SERINC1: variants seen among roughly 807,000 people sequenced by gnomAD.
SERINC1 encodes the protein tumor differentially expressed protein 2.
A neutral mutation model predicts 52.9 loss-of-function variants in SERINC1; 38 were observed. That is an observed-to-expected ratio of 0.72 (90% CI 0.55 to 0.94). The LOEUF (loss-of-function observed/expected upper bound fraction) is 0.94. Among genes scored for constraint, SERINC1 ranks in the 40% least tolerant of loss-of-function variants. The pLI, the probability that SERINC1 is intolerant of heterozygous loss-of-function variation, is 0.00. For missense variants in SERINC1, 471 were observed against 533.9 expected (o/e 0.88, Z 1.16); for synonymous variants, 198 against 183.1 (o/e 1.08, Z -0.66).
chr6:122,464,266 C>T (rs1775151139), intron 1 of SERINC1, among the ~76,000 whole-genome samples: 1 of 151,824 alleles, frequency 6.6e-6, no homozygotes, highest in South Asian at 2.1e-4. Flanking sequence ...TAAATTATAC[C>T]TTAACTAAAA....
rs763806916 is a variant in SERINC1 at position 122,471,763 on chromosome 6, A to G, written c.-26T>C. On this transcript the variant is annotated 5_prime_UTR_variant, in exon 1 of 10. Coordinates refer to ENST00000339697, the MANE Select transcript of SERINC1 (RefSeq NM_020755.4). ...CTCCACAACGTCACAAGAGCAGCGG[A>G]TACAGACAAGATGGAGACAGCTTCT... The G allele has an allele frequency of 6.2e-7, 1 of 1,613,976 alleles. No homozygotes were observed. The highest frequency in any genetic ancestry group is 8.5e-7 in the Non-Finnish European group (1 of 1,179,924).
intron 1 of SERINC1, among the ~76,000 whole-genome samples, chr6:122,465,533 C>T (rs1397346967): frequency 1.3e-5 from 2 of 152,160 alleles, no homozygotes; most frequent in East Asian, 1.9e-4. Flanking sequence ...GGTATATTCC[C>T]CAGGTTGGAG....
chr6:122,458,136 G>T (rs1775034113), intron 2 of SERINC1, among the ~76,000 whole-genome samples: 1 of 151,940 alleles, frequency 6.6e-6, no homozygotes. Flanking sequence ...TTTATTAATT[G>T]TAAGATTAAT....
At chr6:122,469,501 C>A (rs138009183) in intron 1 of SERINC1, among the ~76,000 whole-genome samples, 1,562 of 151,374 alleles carry the variant, frequency 0.01, 15 homozygotes, top group Non-Finnish European at 0.016. Flanking sequence ...CTCAGCCACC[C>A]GAGTGGGATT....
At position 122,471,730 on chromosome 6, in the gene SERINC1, C is replaced by A; in HGVS notation, c.8G>T (p.Ser3Ile). The change falls in exon 1 of 10, where the codon AGC becomes ATC. Residue 3 changes from serine to isoleucine, a missense_variant. Coordinates refer to ENST00000339697, the MANE Select transcript of SERINC1 (RefSeq NM_020755.4). The part of the protein sequence containing the change: MG[S>I]VLGLCSMASW... ...CGCCATGGAGCACAGCCCCAGGACG[C>A]TCCCCATCTCCACAACGTCACAAGA... is the stretch of plus-strand genomic sequence containing the variant. 6.2e-7 allele frequency: 1 copy of A among 1,614,170 alleles called. No homozygotes were observed. The highest frequency in any genetic ancestry group is 8.5e-7 in the Non-Finnish European group (1 of 1,179,994).
chr6:122,471,227 C>A (rs561889768), intron 1 of SERINC1, among the ~76,000 whole-genome samples: 1 of 152,076 alleles, frequency 6.6e-6, no homozygotes, highest in African/African-American at 2.4e-5. Context: ...ATAATCTGCG[C>A]CACTGAACAA....
At chr6:122,463,187 A>G (rs1775135458) in intron 1 of SERINC1, among the ~76,000 whole-genome samples, 1 of 152,230 alleles carries the variant, frequency 6.6e-6, no homozygotes, top group South Asian at 2.1e-4. Context: ...AAGATACCAA[A>G]GCAATTCACT....
chr6:122,452,723 G>A (rs964886771), intron 5 of SERINC1, among the ~76,000 whole-genome samples: 5 of 152,150 alleles, frequency 3.3e-5, no homozygotes, highest in African/African-American at 4.8e-5. Flanking sequence ...TCCAGGCCCT[G>A]GGGATACAGC....
In SERINC1 at chr6:122,451,682, C is replaced by G; in HGVS notation, c.832G>C (p.Ala278Pro). 8.0e-7 allele frequency: 1 copy of G among 1,251,830 alleles called. No individual in the cohort carries two copies. The highest frequency in any genetic ancestry group is 1.1e-6 in the Non-Finnish European group (1 of 919,606). The allele number at this position is 1,251,830 out of a possible 1,614,324, so 77.5% of individuals were successfully genotyped here. A position where few individuals can be genotyped will look rare whatever the true frequency, so the allele number is the denominator to read the frequency against. ...AACACACCTGGTTCATTGGTCATAGCTGACCATGTCAAATACATTGTGTAG... is the reference window on the plus strand; with the variant it reads ...AACACACCTGGTTCATTGGTCATAGGTGACCATGTCAAATACATTGTGTAG... ...TVYTMYLTWS[A>P]MTNEPETNCN... Residue 278 changes from alanine (A) to proline (P), a missense_variant, in exon 7 of 10, where the codon GCT (alanine) becomes CCT (proline). Ala to Pro is a conservative substitution (Grantham distance 27). Coordinates refer to ENST00000339697, the MANE Select transcript of SERINC1 (RefSeq NM_020755.4).
Position 122,445,883 on chromosome 6 carries a change from C to CA in SERINC1, c.1227-705dup, listed in dbSNP as rs71018202. ...TGGGTGACAGAGCAAGACTCCATTT[C>CA]AAAAAAAAAAAAAAAAAGAACCAGC... On this transcript the variant is annotated intron_variant, in intron 9 of 9. Transcript: ENST00000339697. Among the ~76,000 whole-genome samples the CA allele has an allele frequency of 4.6e-3, 289 of 62,806 alleles. 15 individuals are homozygous for CA. Among genetic ancestry groups the CA allele is most frequent in the African/African-American group, 0.014 (208 of 15,206 alleles). 41.2% of individuals were successfully genotyped at this position (62,806 alleles called of 152,430 possible). A position where few individuals can be genotyped will look rare whatever the true frequency, so the allele number is the denominator to read the frequency against.
At position 122,452,501 on chromosome 6, in the gene SERINC1, G is replaced by T. The variant is rs1402981058; in HGVS notation, c.590-444C>A. Reference sequence around the variant, plus strand: ...AATGTTAAGCCCTCACAACAATGATGCTTTTCCTCATGAACTAAAATCTTA... The same window carrying T: ...AATGTTAAGCCCTCACAACAATGATTCTTTTCCTCATGAACTAAAATCTTA... On this transcript the variant is annotated intron_variant, in intron 5 of 9. Coordinates refer to ENST00000339697, the MANE Select transcript of SERINC1 (RefSeq NM_020755.4). 2.0e-5 allele frequency among the ~76,000 whole-genome samples: 3 copies of T among 152,164 alleles called. No individual in the cohort carries two copies. In the East Asian group the frequency reaches 5.8e-4, roughly 29 times the overall value.
chr6:122,449,288 AC>A (rs1188727105), intron 7 of SERINC1, among the ~76,000 whole-genome samples: 1 of 152,252 alleles, frequency 6.6e-6, no homozygotes, highest in African/African-American at 2.4e-5. Flanking sequence ...AAAAGCTGAG[AC>A]AGGTCAAAAG....
chr6:122,451,954 C>A lies in SERINC1; in HGVS notation c.693G>T (p.Ala231=), dbSNP rs370876941. Residue 231 remains alanine (A), a synonymous_variant, in exon 6 of 10, where the codon GCG becomes GCT. Coordinates refer to ENST00000339697, the MANE Select transcript of SERINC1 (RefSeq NM_020755.4). ...THPASCSENK[A]FISVNMLLCV... Reference sequence around the variant, plus strand: ...AGAGGAGCATGTTGACACTGATGAACGCCTTGTTTTCTGAACAACTGGCTG... The same window carrying A: ...AGAGGAGCATGTTGACACTGATGAAAGCCTTGTTTTCTGAACAACTGGCTG... 120 of 1,598,248 alleles carry A rather than the reference C, an allele frequency of 7.5e-5. No homozygotes were observed. Among genetic ancestry groups the A allele is most frequent in the Non-Finnish European group, 1.0e-4 (118 of 1,173,036 alleles).
rs186430944 is a variant in SERINC1 at position 122,449,553 on chromosome 6, A to G, written c.850+2111T>C. 1.3e-3 allele frequency among the ~76,000 whole-genome samples: 203 copies of G among 152,282 alleles called. 2 individuals are homozygous for G. The highest frequency in any genetic ancestry group is 2.4e-3 in the Non-Finnish European group (166 of 68,010). On this transcript the variant is annotated intron_variant, in intron 7 of 9. Transcript: ENST00000339697. The stretch of plus-strand genomic sequence containing the variant: ...TCTCACTTCAAGTCTATTAAGATTG[A>G]GAGAGAGAAGGAAGCTGTAGAAGAA...
intron 1 of SERINC1, among the ~76,000 whole-genome samples, chr6:122,461,490 A>G (rs900931657): frequency 1.1e-4 from 14 of 123,466 alleles, no homozygotes; most frequent in African/African-American, 4.0e-4. Context: ...GGGGAATATC[A>G]TACTCTGGGG....
At chr6:122,448,952 T>C (rs1359508683) in intron 7 of SERINC1, among the ~76,000 whole-genome samples, 1 of 152,212 alleles carries the variant, frequency 6.6e-6, no homozygotes, top group Non-Finnish European at 1.5e-5. Flanking sequence ...TTTCACAATT[T>C]GTCATTATTA....
At chr6:122,471,289 GA>G (rs1483623157) in intron 1 of SERINC1, among the ~76,000 whole-genome samples, 1 of 151,986 alleles carries the variant, frequency 6.6e-6, no homozygotes, top group Non-Finnish European at 1.5e-5. Context: ...AGGTCGCCAG[GA>G]AAGAGATGAC....
Position 122,464,372 on chromosome 6 carries a change from T to C in SERINC1, c.40-5691A>G, listed in dbSNP as rs557117808. The stretch of plus-strand genomic sequence containing the variant: ...ATTCCTTAGATGGAAAAATAATCTG[T>C]GCATCAAAAGAGCACACTACTTTTT... On this transcript the variant is annotated intron_variant, in intron 1 of 9. Coordinates refer to ENST00000339697, the MANE Select transcript of SERINC1 (RefSeq NM_020755.4). 3.2e-4 allele frequency among the ~76,000 whole-genome samples: 49 copies of C among 152,268 alleles called. No individual in the cohort carries two copies. In the South Asian group the frequency reaches 6.6e-3, roughly 21 times the overall value.
At chr6:122,467,321 T>C (rs1179755209) in intron 1 of SERINC1, among the ~76,000 whole-genome samples, 2 of 152,000 alleles carry the variant, frequency 1.3e-5, no homozygotes, top group Admixed American at 1.3e-4. Flanking sequence ...ACACTGAAAA[T>C]AGGCTGGGTG....
Sources: gnomAD v4.1 joint callset for allele counts (sites outside exome capture counted in the v4.1 genomes callset) on GRCh38, gnomAD v4.1.1 for gene constraint, MANE v1.5 for transcripts, NCBI Gene and HGNC (gene_info 2026-07-23, HGNC 2026-07-21) for gene names.